BRCA1: variants seen among roughly 807,000 people sequenced by gnomAD.
BRCA1 encodes the protein BRCA1 DNA repair associated, also known as breast cancer type 1 susceptibility protein.
In BRCA1, 140 loss-of-function variants were observed where a neutral mutation model predicts 173.7. That is an observed-to-expected ratio of 0.81 (90% CI 0.70 to 0.93). BRCA1 has a LOEUF of 0.93. Ranked by LOEUF, BRCA1 falls within the 40% of genes least tolerant of loss-of-function variation. The pLI is 0.00. For missense variants in BRCA1, 1,983 were observed against 2,172.5 expected, an observed-to-expected ratio of 0.91 and a Z score of 1.73; for synonymous variants, 662 against 756.0, an observed-to-expected ratio of 0.88 and a Z score of 2.04.
chr17:43,071,275 T>A (rs2153905022), intron 14 of BRCA1, 37 bp from the exon 15 acceptor site: 1 of 1,597,306 alleles, frequency 6.3e-7, no homozygotes, highest in South Asian at 1.1e-5. Flanking sequence ...TACACAACGA[T>A]GAATGTTGAA....
rs80357574 is a variant in BRCA1, at chr17:43,093,316, T to TA, written c.2214dup (p.Lys739Ter). The TA allele has an allele frequency of 6.2e-7, 1 of 1,613,814 alleles. No homozygotes were observed. Among genetic ancestry groups the TA allele is most frequent in the South Asian group, 1.1e-5 (1 of 91,002 alleles). ...GGGTCTTCAGCATTATTAGACACTTTAACTGTTTCTAGTTTCTCTTCTTTT... is the reference window on the plus strand; with the variant it reads ...GGGTCTTCAGCATTATTAGACACTTTAAACTGTTTCTAGTTTCTCTTCTTTT... On this transcript the variant is annotated frameshift_variant, in exon 10 of 23. Coordinates refer to ENST00000357654, the MANE Select transcript of BRCA1 (RefSeq NM_007294.4). LOFTEE classifies it high-confidence loss of function.
intron 1 of BRCA1, chr17:43,159,599 G>A (rs1426837521): frequency 4.4e-5 from 10 of 226,520 alleles, no homozygotes; most frequent in South Asian, 1.9e-4. Flanking sequence ...AGACGGGGTC[G>A]CGGCCGGGCA....
chr17:43,152,070 T>C (rs1025575728), intron 1 of BRCA1, among the ~76,000 whole-genome samples: 1 of 152,240 alleles, frequency 6.6e-6, no homozygotes, highest in African/African-American at 2.4e-5. Flanking sequence ...GTTATGTAAC[T>C]TTCCCAAGGC....
chr17:43,163,077 T>C (rs2056246679), intron 1 of BRCA1: 1 of 152,248 alleles, frequency 6.6e-6, no homozygotes, highest in Non-Finnish European at 1.5e-5. Flanking sequence ...TGAGGTCCTT[T>C]GGTAGTCATT....
At chr17:43,052,055 G>A (rs916353217) in intron 19 of BRCA1, among the ~76,000 whole-genome samples, 3 of 152,096 alleles carry the variant, frequency 2.0e-5, no homozygotes, top group Non-Finnish European at 4.4e-5. Flanking sequence ...GCCAGGTTCT[G>A]CCTCTCCTCA....
rs80357304 is a variant in BRCA1 at position 43,094,081 on chromosome 17, C to T, written c.1450G>A (p.Gly484Arg). The T allele has an allele frequency of 1.9e-6, 3 of 1,614,016 alleles. No individual in the cohort carries two copies. Among genetic ancestry groups the T allele is most frequent in the Non-Finnish European group, 1.7e-6 (2 of 1,179,990 alleles). ...LSHVTENLII[G>R]AFVTEPQIIQ... ...ATCTGTGGCTCAGTAACAAATGCTC[C>T]TATAATTAGATTTTCAGTTACATGG... Residue 484 changes from glycine (G) to arginine (R), a missense_variant, in exon 10 of 23, where the codon GGA becomes AGA. By Grantham distance (125) the Gly-to-Arg change is moderately radical. Coordinates refer to ENST00000357654, the MANE Select transcript of BRCA1 (RefSeq NM_007294.4).
rs397507239 is a variant in BRCA1 at position 43,067,614 on chromosome 17, T to G, written c.5068A>C (p.Lys1690Gln). 1.3e-5 allele frequency: 21 copies of G among 1,610,158 alleles called. No individual in the cohort carries two copies. The East Asian group carries it at 4.7e-4, about 36-fold the overall frequency. The change falls in exon 16 of 23, where the codon AAA becomes CAA. Residue 1690 changes from lysine (K) to glutamine (Q), a missense_variant. By Grantham distance (53) the Lys-to-Gln change is moderately conservative. Coordinates refer to ENST00000357654, the MANE Select transcript of BRCA1 (RefSeq NM_007294.4). ...ITEETTHVVM[K>Q]TDAEFVCERT... is the part of the protein sequence containing the mutation. ...GTAAAGGTTCTTGGTATACCTGTTT[T>G]CATAACAACATGAGTAGTCTCTTCA...
intron 1 of BRCA1, chr17:43,163,031 GC>G (rs1426803098): frequency 2.6e-5 from 4 of 152,234 alleles, no homozygotes; most frequent in African/African-American, 9.7e-5. Context: ...CACATAGCAA[GC>G]TTTGGTACTT....
At chr17:43,139,321 G>A (rs1307361225) in intron 1 of BRCA1, among the ~76,000 whole-genome samples, 3 of 150,280 alleles carry the variant, frequency 2.0e-5, no homozygotes, top group Non-Finnish European at 4.4e-5. Flanking sequence ...TTGTTGTACA[G>A]ATTATTTCGT....
chr17:43,134,797 AC>A (rs1421650627), intron 1 of BRCA1, among the ~76,000 whole-genome samples: 1 of 152,020 alleles, frequency 6.6e-6, no homozygotes, highest in African/African-American at 2.4e-5. Context: ...TCAGGGTCAT[AC>A]CCCCAATAGC....
intron 1 of BRCA1, chr17:43,145,329 C>CTT (rs1555603978): frequency 4.7e-4 from 193 of 414,218 alleles, no homozygotes; most frequent in Middle Eastern, 1.2e-3. Context: ...TTTTTTCTTT[C>CTT]TTTTTTTTTT....
intron 1 of BRCA1, among the ~76,000 whole-genome samples, chr17:43,157,918 C>T (rs1214993004): frequency 1.3e-5 from 2 of 151,464 alleles, no homozygotes. Context: ...ATCACTTGAA[C>T]CCAAGAGGTG....
At chr17:43,126,882 C>G (rs2154580998), upstream of BRCA1, among the ~76,000 whole-genome samples, 1 of 152,218 alleles carries the variant, frequency 6.6e-6, no homozygotes, top group South Asian at 2.1e-4. Flanking sequence ...CAGCGCTCGC[C>G]AGCCAGCGCG....
At chr17:43,167,339 A>C (rs2056274642) in intron 1 of BRCA1, 1 of 152,216 alleles carries the variant, frequency 6.6e-6, no homozygotes, top group Non-Finnish European at 1.5e-5. Flanking sequence ...CTCAAGAGCC[A>C]AGCTCCCCGA....
At chr17:43,146,933 G>T (rs2056125989) in intron 1 of BRCA1, among the ~76,000 whole-genome samples, 1 of 151,814 alleles carries the variant, frequency 6.6e-6, no homozygotes, top group Non-Finnish European at 1.5e-5. Context: ...AACCATGAGG[G>T]CCCCGTCGTT....
intron 1 of BRCA1, among the ~76,000 whole-genome samples, chr17:43,143,984 G>C (rs188791100): frequency 0.011 from 1,650 of 152,268 alleles, 16 homozygotes; most frequent in Non-Finnish European, 0.015. Context: ...ACTTTGGGAG[G>C]CTGAGGCGGG....
chr17:43,052,919 T>A (rs2051311559), intron 19 of BRCA1, among the ~76,000 whole-genome samples: 1 of 149,632 alleles, frequency 6.7e-6, no homozygotes, highest in African/African-American at 2.5e-5. Flanking sequence ...CACTGTCGCC[T>A]GGGCTGGAGT....
At chr17:43,153,803 T>G (rs2056178745) in intron 1 of BRCA1, 1 of 152,252 alleles carries the variant, frequency 6.6e-6, no homozygotes, top group African/African-American at 2.4e-5. Context: ...CTGTGTACTC[T>G]TATTAGATCA....
intron 1 of BRCA1, among the ~76,000 whole-genome samples, chr17:43,146,533 C>T (rs1032796988): frequency 1.3e-4 from 19 of 151,914 alleles, no homozygotes; most frequent in African/African-American, 4.6e-4. Context: ...TGGTCTCGAT[C>T]TCCTGACCTC....
Sources: gnomAD v4.1 joint callset for allele counts (sites outside exome capture counted in the v4.1 genomes callset) on GRCh38, gnomAD v4.1.1 for gene constraint, MANE v1.5 for transcripts, NCBI Gene and HGNC (gene_info 2026-07-23, HGNC 2026-07-21) for gene names.